Variants in MSH6 observed in about 807,000 individuals in gnomAD.
The protein encoded by MSH6 is mutS homolog 6.
Under a neutral mutation model 119.1 loss-of-function variants are expected in MSH6, and 85 were observed. The observed-to-expected ratio is 0.71, with a 90% CI of 0.60 to 0.85. The LOEUF (loss-of-function observed/expected upper bound fraction) is 0.85. MSH6 is among the 40% of genes least tolerant of loss of function. MSH6 has a pLI of 0.00. For synonymous variants in MSH6, 830 were observed against 586.9 expected, an observed-to-expected ratio of 1.41 and a Z score of -5.99; for missense variants, 2,163 against 1,655.3, an observed-to-expected ratio of 1.31 and a Z score of -5.32.
At chr2:47,802,682 TGTAACACA>T (rs1477086933) in intron 4 of MSH6, among the ~76,000 whole-genome samples, 5 of 151,466 alleles carry the variant, frequency 3.3e-5, no homozygotes, top group African/African-American at 4.9e-5. Flanking sequence ...TACTTGAATT[TGTAACACA>T]GTAACACAAA....
chr2:47,808,311 A>C, downstream of MSH6: 3 of 1,612,504 alleles, frequency 1.9e-6, no homozygotes, highest in Non-Finnish European at 2.5e-6. Context: ...TAATATATCA[A>C]GCAAGTGTGC....
intron 1 of MSH6, among the ~76,000 whole-genome samples, chr2:47,788,042 A>G (rs1668450008): frequency 6.6e-6 from 1 of 152,148 alleles, no homozygotes; most frequent in African/African-American, 2.4e-5. Flanking sequence ...GAAATGTTTA[A>G]AATTTTTAGT....
chr2:47,798,630 C>T lies in MSH6; in HGVS notation c.647C>T (p.Thr216Ile), dbSNP rs765195534. 36 of 1,611,218 alleles carry T rather than the reference C, an allele frequency of 2.2e-5. No homozygotes were observed. The highest frequency in any genetic ancestry group is 3.1e-5 in the Non-Finnish European group (36 of 1,179,924). Residue 216 changes from threonine (T) to isoleucine (I), a missense_variant, in exon 4 of 10, where the codon ACA becomes ATA. Transcript: ENST00000234420. ...EEMEVGTTYV[T>I]DKSEEDNEIE... ...TGGCAGGTAGGCACAACTTACGTAA[C>T]AGATAAGAGTGAAGAAGATAATGAA... is the stretch of plus-strand genomic sequence containing the variant.
In MSH6 at chr2:47,806,506, C is replaced by T. The variant is rs1060502887; in HGVS notation, c.3856C>T (p.Leu1286Phe). The T allele has an allele frequency of 1.2e-6, 2 of 1,613,960 alleles. No individual in the cohort carries two copies. The highest frequency in any genetic ancestry group is 1.7e-5 in the Admixed American group (1 of 59,990). ...CCCCAGCCAGGAGACTATTACGTTC[C>T]TCTATAAATTCATTAAGGGAGCTTG... The part of the protein sequence containing the change: ...EDPSQETITF[L>F]YKFIKGACPK... Residue 1286 changes from leucine (L) to phenylalanine (F), a missense_variant, in exon 9 of 10, where the codon CTC (leucine) becomes TTC (phenylalanine). Transcript: ENST00000234420.
intron 1 of MSH6, chr2:47,783,944 C>T: frequency 9.7e-7 from 1 of 1,030,918 alleles, no homozygotes; most frequent in Non-Finnish European, 1.2e-6. Context: ...CTGCGGGAGG[C>T]CGAACGGGGA....
At chr2:47,801,204 T>C (rs893738791) in intron 4 of MSH6, 49 bp downstream of exon 4, 1 of 1,584,378 alleles carries the variant, frequency 6.3e-7, no homozygotes, top group Non-Finnish European at 8.6e-7. Context: ...GTAGTGCTGT[T>C]TGCCAGCTGT....
At chr2:47,804,137 T>A (rs999527192) in intron 5 of MSH6, among the ~76,000 whole-genome samples, 1 of 152,118 alleles carries the variant, frequency 6.6e-6, no homozygotes, top group African/African-American at 2.4e-5. Flanking sequence ...CTGGCCCTTT[T>A]TTTTTTGTTG....
In MSH6 at chr2:47,799,619, G is replaced by C. The variant is rs63751172; in HGVS notation, c.1636G>C (p.Glu546Gln). ...SKYLLSLKEK[E>Q]EDSSGHTRAY... The stretch of plus-strand genomic sequence containing the variant: ...GTATCTTCTTAGCCTCAAAGAAAAA[G>C]AGGAAGATTCTTCTGGCCATACTCG... Residue 546 changes from glutamate to glutamine, a missense_variant, in exon 4 of 10, where the codon GAG becomes CAG. Coordinates refer to ENST00000234420, the MANE Select transcript of MSH6 (RefSeq NM_000179.3). The C allele has an allele frequency of 3.7e-6, 6 of 1,614,118 alleles. No individual in the cohort carries two copies. In the East Asian group the frequency reaches 1.1e-4, roughly 30 times the overall value.
intron 9 of MSH6, 44 bp downstream of exon 9, chr2:47,806,695 G>A (rs2104571213): frequency 6.3e-7 from 1 of 1,581,668 alleles, no homozygotes; most frequent in Non-Finnish European, 8.6e-7. Context: ...CTGACCTTAA[G>A]TTTCAAAGAA....
In MSH6 at chr2:47,799,720, T is replaced by C. The variant is rs1669367521; in HGVS notation, c.1737T>C (p.Cys579=). The C allele has an allele frequency of 6.2e-7, 1 of 1,614,196 alleles. No homozygotes were observed. Among genetic ancestry groups the C allele is most frequent in the Non-Finnish European group, 8.5e-7 (1 of 1,180,026 alleles). The change falls in exon 4 of 10, where the codon TGT becomes TGC. Residue 579 remains cysteine (C), a synonymous_variant. Transcript: ENST00000234420. ...FIGQFSDDRH[C]SRFRTLVAHY... ...GTCAGTTTTCAGATGATCGCCATTG[T>C]TCGAGATTTAGGACTCTAGTGGCAC...
downstream of MSH6, chr2:47,808,339 T>G: frequency 6.2e-7 from 1 of 1,612,204 alleles, no homozygotes; most frequent in Non-Finnish European, 8.5e-7. Flanking sequence ...CTATCATGTC[T>G]AATAAACTCT....
chr2:47,796,012 AT>A lies in MSH6; in HGVS notation c.578del (p.Leu193TrpfsTer18), dbSNP rs587782281. 1 of 1,614,076 alleles carries A rather than the reference AT, an allele frequency of 6.2e-7. No individual in the cohort carries two copies. Among genetic ancestry groups the A allele is most frequent in the Non-Finnish European group, 8.5e-7 (1 of 1,180,046 alleles). On this transcript the variant is annotated frameshift_variant, in exon 3 of 10. Coordinates refer to ENST00000234420, the MANE Select transcript of MSH6 (RefSeq NM_000179.3). LOFTEE classifies it high-confidence loss of function. Reference protein sequence around the residue: ...LNKDKIKRLELAVCDEPSEPE... With the variant: ...LNKDKIKRLEXAVCDEPSEPE... Reference sequence around the variant, plus strand: ...ATAAAGACAAGATTAAGAGGCTTGAATTGGCAGTTTGTGATGAGCCCTCAGA... The same window carrying A: ...ATAAAGACAAGATTAAGAGGCTTGAATGGCAGTTTGTGATGAGCCCTCAGA...
intron 4 of MSH6, among the ~76,000 whole-genome samples, chr2:47,803,024 G>C (rs913520122): frequency 1.4e-4 from 21 of 152,158 alleles, no homozygotes; most frequent in African/African-American, 5.1e-4. Context: ...TGATTCTCCT[G>C]CCTCAGCCTC....
intron 1 of MSH6, 90 bp downstream of exon 1, chr2:47,783,583 G>C: frequency 7.7e-7 from 1 of 1,299,776 alleles, no homozygotes; most frequent in East Asian, 2.9e-5. Context: ...GGGGTTGGGG[G>C]GGTGCACGGC....
At chr2:47,804,252 A>C (rs914717538) in intron 5 of MSH6, among the ~76,000 whole-genome samples, 1 of 152,188 alleles carries the variant, frequency 6.6e-6, no homozygotes, top group East Asian at 1.9e-4. Context: ...CTGGGACTAC[A>C]GATGTACACC....
intron 3 of MSH6, chr2:47,797,903 C>G (rs145658273): frequency 5.8e-5 from 13 of 222,890 alleles, no homozygotes; most frequent in Non-Finnish European, 1.2e-4. Flanking sequence ...GGATTTTGCA[C>G]ATGAGCTCAA....
rs764786814 is a variant in MSH6, at chr2:47,806,601, T to C, written c.3951T>C (p.His1317=). 9.9e-6 allele frequency: 16 copies of C among 1,613,132 alleles called. No homozygotes were observed. The highest frequency in any genetic ancestry group is 7.7e-5 in the South Asian group (7 of 91,074). ...CAGAGGAAGTTATTCAAAAGGGACA[T>C]AGAAAAGCAAGAGAATTTGAGAAGA... is the stretch of plus-strand genomic sequence containing the variant. ...NLPEEVIQKG[H]RKAREFEKMN... Residue 1317 remains histidine, a synonymous_variant, in exon 9 of 10, where the codon CAT becomes CAC. Transcript: ENST00000234420.
rs749522534 is a variant in MSH6, at chr2:47,806,581, G to A, written c.3931G>A (p.Glu1311Lys). 6.2e-7 allele frequency: 1 copy of A among 1,613,590 alleles called. No individual in the cohort carries two copies. Among genetic ancestry groups the A allele is most frequent in the South Asian group, 1.1e-5 (1 of 91,078 alleles). ...NAARLANLPE[E>K]VIQKGHRKAR... ...AGCAAGGCTTGCTAATCTCCCAGAG[G>A]AAGTTATTCAAAAGGGACATAGAAA... Residue 1311 changes from glutamate to lysine, a missense_variant, in exon 9 of 10, where the codon GAA becomes AAA. Transcript: ENST00000234420.
downstream of MSH6, chr2:47,809,460 A>G: frequency 1.4e-6 from 1 of 721,900 alleles, no homozygotes; most frequent in South Asian, 2.0e-5. Context: ...ATTTAGAACC[A>G]AAGCTCTGTT....
Sources: allele counts gnomAD v4.1 joint callset (sites outside exome capture counted in the v4.1 genomes callset), GRCh38; gene constraint gnomAD v4.1.1; transcripts MANE v1.5; gene names NCBI Gene and HGNC (gene_info 2026-07-23, HGNC 2026-07-21).